The following DBF4B variants were observed in gnomAD, a reference collection of about 807,000 sequenced individuals.
DBF4B encodes the protein DBF4B-CDC7 kinase regulatory subunit.
In DBF4B, 49 loss-of-function variants were observed where a neutral mutation model predicts 53.4. The observed-to-expected ratio is 0.92, with a 90% CI of 0.73 to 1.16. The LOEUF (loss-of-function observed/expected upper bound fraction) is 1.16, where lower values mean the gene tolerates loss of function less well. Among genes scored for constraint, DBF4B ranks in the 50% most tolerant of loss-of-function variants. DBF4B has a pLI of 0.00. For synonymous variants in DBF4B, 257 were observed against 288.7 expected, an observed-to-expected ratio of 0.89 and a Z score of 1.11; for missense variants, 692 against 775.0, an observed-to-expected ratio of 0.89 and a Z score of 1.27.
intron 13 of DBF4B, chr17:44,748,860 G>A (rs770804410): frequency 5.2e-5 from 67 of 1,290,964 alleles, no homozygotes; most frequent in Non-Finnish European, 1.7e-5. Context: ...ATGAGTCCAG[G>A]CTCCTCGCCT....
At chr17:44,733,241 T>A (rs920221761) in intron 6 of DBF4B, among the ~76,000 whole-genome samples, 2 of 152,096 alleles carry the variant, frequency 1.3e-5, no homozygotes, top group African/African-American at 4.8e-5. Flanking sequence ...TAATCCTCAC[T>A]ACAGTCCTGT....
intron 10 of DBF4B, among the ~76,000 whole-genome samples, chr17:44,742,129 A>C (rs1274402121): frequency 6.6e-6 from 1 of 152,040 alleles, no homozygotes; most frequent in Non-Finnish European, 1.5e-5. Context: ...TGAGTCAGGC[A>C]GAGTGGCTCA....
In DBF4B at chr17:44,732,271, C is replaced by T; in HGVS notation, c.556+6C>T. 1.2e-6 allele frequency: 2 copies of T among 1,613,902 alleles called. No individual in the cohort carries two copies. The highest frequency in any genetic ancestry group is 1.7e-6 in the Non-Finnish European group (2 of 1,179,880). The stretch of plus-strand genomic sequence containing the variant: ...GAGGATTCTGCACGTGGATGGTACC[C>T]TTTCTGTGCTGGGCTCCTGTGGAGG... On this transcript the variant is annotated splice_donor_region_variant and intron_variant, in intron 6 of 13. Transcript: ENST00000315005.
intron 2 of DBF4B, among the ~76,000 whole-genome samples, chr17:44,713,505 C>A (rs1302809369): frequency 6.6e-6 from 1 of 151,772 alleles, no homozygotes; most frequent in African/African-American, 2.4e-5. Context: ...ATACAAAAAT[C>A]AGTAGGATGT....
At chr17:44,743,093 T>G (rs542700571) in intron 10 of DBF4B, among the ~76,000 whole-genome samples, 1 of 152,154 alleles carries the variant, frequency 6.6e-6, no homozygotes, top group Admixed American at 6.5e-5. Context: ...TAAGTCCCAA[T>G]ACAAGGGATA....
At chr17:44,733,202 A>G (rs1448991612) in intron 6 of DBF4B, among the ~76,000 whole-genome samples, 1 of 151,944 alleles carries the variant, frequency 6.6e-6, no homozygotes, top group Admixed American at 6.6e-5. Flanking sequence ...CCTAACAGGT[A>G]TTGACTCTGT....
chr17:44,711,427 C>G (rs1972856372), intron 2 of DBF4B, among the ~76,000 whole-genome samples: 2 of 152,262 alleles, frequency 1.3e-5, no homozygotes, highest in South Asian at 4.1e-4. Context: ...TCTCCTGCCT[C>G]AGTCTCCCAA....
intron 2 of DBF4B, chr17:44,719,699 T>C (rs1973654765): frequency 6.3e-6 from 1 of 158,912 alleles, no homozygotes; most frequent in African/African-American, 2.4e-5. Context: ...CAAATGGACA[T>C]ATGAGTTTCC....
intron 2 of DBF4B, among the ~76,000 whole-genome samples, chr17:44,710,489 C>T (rs1972769826): frequency 6.6e-6 from 1 of 151,966 alleles, no homozygotes; most frequent in Admixed American, 6.6e-5. Flanking sequence ...CTTTTTTATT[C>T]TTGCTGCTTT....
intron 3 of DBF4B, among the ~76,000 whole-genome samples, chr17:44,724,439 G>A (rs537331670): frequency 1.3e-5 from 2 of 151,978 alleles, no homozygotes; most frequent in African/African-American, 2.4e-5. Flanking sequence ...GTGCAGCGGC[G>A]CCATCTCAGC....
chr17:44,741,227 G>A (rs1474194794), intron 9 of DBF4B, 109 bp from the exon 10 acceptor site: 2 of 764,668 alleles, frequency 2.6e-6, no homozygotes, highest in Admixed American at 2.0e-5. Flanking sequence ...AAGATGTGGA[G>A]GTGAGAGTCC....
chr17:44,728,678 G>A (rs781661931), intron 3 of DBF4B, among the ~76,000 whole-genome samples: 11 of 151,240 alleles, frequency 7.3e-5, no homozygotes, highest in Non-Finnish European at 1.2e-4. Context: ...TTAGCTGGGC[G>A]TGGTGGCATG....
Position 44,732,456 on chromosome 17 carries a change from C to G in DBF4B, c.556+191C>G, listed in dbSNP as rs1196557651. The G allele has an allele frequency of 6.4e-6, 4 of 626,076 alleles. No homozygotes were observed. The African/African-American group carries it at 7.4e-5, about 12-fold the overall frequency. The allele number at this position is 626,076 out of a possible 1,614,324, so 38.8% of individuals were successfully genotyped here. A position where few individuals can be genotyped will look rare whatever the true frequency, so the allele number is the denominator to read the frequency against. The stretch of plus-strand genomic sequence containing the variant: ...AAGCGGTGAGGACGCAGAGTGCAGG[C>G]TGTGGCCTCGGCATCCCGCAGGAGG... On this transcript the variant is annotated intron_variant, in intron 6 of 13. Coordinates refer to ENST00000315005, the MANE Select transcript of DBF4B (RefSeq NM_145663.3).
chr17:44,721,825 G>C (rs1973874152), intron 2 of DBF4B, among the ~76,000 whole-genome samples: 1 of 151,208 alleles, frequency 6.6e-6, no homozygotes, highest in Non-Finnish European at 1.5e-5. Flanking sequence ...TTAGGGATTG[G>C]AGGTTGCATA....
chr17:44,735,796 G>C (rs1975359305), intron 7 of DBF4B, among the ~76,000 whole-genome samples: 1 of 152,200 alleles, frequency 6.6e-6, no homozygotes, highest in Non-Finnish European at 1.5e-5. Flanking sequence ...GTGTGGCCTA[G>C]AGGAGAATCT....
intron 3 of DBF4B, among the ~76,000 whole-genome samples, chr17:44,728,500 T>C (rs1420114443): frequency 1.3e-5 from 2 of 152,152 alleles, no homozygotes; most frequent in African/African-American, 2.4e-5. Context: ...TCCTACCCTC[T>C]AGCATTTGCT....
chr17:44,751,824 CCTTT>C lies in DBF4B; in HGVS notation c.*577_*580del. On this transcript the variant is annotated 3_prime_UTR_variant, in exon 14 of 14. Transcript: ENST00000315005. ...GGTGACCAAAGTTGGTTCCTTTTCTCCTTTCTTTCCTCCTTGAAGCCTGGCTCCC... is the reference window on the plus strand; with the variant it reads ...GGTGACCAAAGTTGGTTCCTTTTCTCCTTTCCTCCTTGAAGCCTGGCTCCC... 1.3e-6 allele frequency: 2 copies of C among 1,533,008 alleles called. No homozygotes were observed. The highest frequency in any genetic ancestry group is 1.7e-6 in the Non-Finnish European group (2 of 1,144,942). The allele number at this position is 1,533,008 out of a possible 1,614,324, so 95.0% of individuals were successfully genotyped here.
At chr17:44,735,676 GAAAA>G (rs1046940359) in intron 7 of DBF4B, among the ~76,000 whole-genome samples, 1 of 151,194 alleles carries the variant, frequency 6.6e-6, no homozygotes. Flanking sequence ...TCAAAAAAAA[GAAAA>G]AAAAATTAGT....
intron 2 of DBF4B, among the ~76,000 whole-genome samples, chr17:44,713,671 T>C (rs558432147): frequency 6.6e-6 from 1 of 151,260 alleles, no homozygotes; most frequent in Non-Finnish European, 1.5e-5. Flanking sequence ...AAACAAAACA[T>C]TATTCATCAC....
Sources: allele counts gnomAD v4.1 joint callset (sites outside exome capture counted in the v4.1 genomes callset), GRCh38; gene constraint gnomAD v4.1.1; transcripts MANE v1.5; gene names NCBI Gene and HGNC (gene_info 2026-07-23, HGNC 2026-07-21).